The following UBE2T variants were observed in gnomAD, a reference collection of about 807,000 sequenced individuals.
UBE2T encodes the protein ubiquitin-conjugating enzyme E2 T.
A neutral mutation model predicts 23.3 loss-of-function variants in UBE2T; 15 were observed. The ratio of observed to expected loss-of-function variants is 0.64; its 90% CI spans 0.43 to 0.99. The LOEUF (loss-of-function observed/expected upper bound fraction) is 0.99, where lower values mean the gene tolerates loss of function less well. Ranked by LOEUF, UBE2T falls within the 50% of genes least tolerant of loss-of-function variation. The pLI, the probability that UBE2T is intolerant of heterozygous loss-of-function variation, is 0.00. For missense variants in UBE2T, 197 were observed against 234.9 expected (o/e 0.84, Z 1.05); for synonymous variants, 67 against 78.4 (o/e 0.85, Z 0.77).
rs1036473179 is a variant in UBE2T at position 202,335,832 on chromosome 1, G to C, written c.-64-14C>G. ...GCCTGGGATGCACTGGAGGAGAAAA[G>C]AGGTGACCATAAAATCATCAGCAAT... On this transcript the variant is annotated splice_polypyrimidine_tract_variant and intron_variant, in intron 1 of 6. Coordinates refer to ENST00000646651, the MANE Select transcript of UBE2T (RefSeq NM_014176.4). This position sits in a 1 kb window ranked among gnomAD's most constrained non-coding sequence, Gnocchi z 4.0. 2.7e-5 allele frequency: 35 copies of C among 1,304,002 alleles called. No homozygotes were observed. In the East Asian group the frequency reaches 7.9e-4, roughly 29 times the overall value. 80.8% of individuals were successfully genotyped at this position (1,304,002 alleles called of 1,614,324 possible).
chr1:202,339,782 G>A (rs1178846318), intron 1 of UBE2T, among the ~76,000 whole-genome samples: 1 of 152,144 alleles, frequency 6.6e-6, no homozygotes, highest in African/African-American at 2.4e-5. Context: ...GCTCACACCT[G>A]TAATTGCAGC....
chr1:202,333,519 A>G lies in UBE2T; in HGVS notation c.216T>C (p.Thr72=), dbSNP rs775015420. Residue 72 remains threonine, a synonymous_variant, in exon 4 of 7, where the codon ACT becomes ACC. Transcript: ENST00000646651. ...PFEPPQIRFL[T]PIYHPNIDSA... is the part of the protein sequence containing the mutation. ...AATCAATGTTTGGATGATAAATTGG[A>G]GTGAGAAATCGGATCTGAGGAGGTT... is the stretch of plus-strand genomic sequence containing the variant. 13 of 1,614,064 alleles carry G rather than the reference A, an allele frequency of 8.1e-6. No individual in the cohort carries two copies. In the African/African-American group the frequency reaches 9.3e-5, roughly 12 times the overall value.
In UBE2T at chr1:202,335,740, T is replaced by C. The variant is rs14451; in HGVS notation, c.15A>G (p.Ser5=). ...ACATGTGCAGCTCTCTCTTCAGACGTGAAGCTCTCTGCATGATCCCCAAGT... is the reference window on the plus strand; with the variant it reads ...ACATGTGCAGCTCTCTCTTCAGACGCGAAGCTCTCTGCATGATCCCCAAGT... MQRA[S]RLKRELHMLA... is the part of the protein sequence containing the mutation. Residue 5 remains serine (S), a synonymous_variant, in exon 2 of 7, where the codon TCA becomes TCG. Transcript: ENST00000646651. The surrounding 1 kb of genome is among the most constrained non-coding windows in gnomAD (Gnocchi z 4.0). 781,587 of 1,612,872 alleles carry C rather than the reference T, an allele frequency of 0.48. 193,404 individuals carry two copies. The highest frequency in any genetic ancestry group is 0.6 in the Middle Eastern group (3,617 of 6,054).
rs539154892 is a variant in UBE2T, at chr1:202,332,269, G to C, written c.469-309C>G. Among the ~76,000 whole-genome samples the C allele has an allele frequency of 9.2e-5, 14 of 152,274 alleles. No individual in the cohort carries two copies. In the East Asian group the frequency reaches 2.7e-3, roughly 29 times the overall value. On this transcript the variant is annotated intron_variant, in intron 6 of 6. Coordinates refer to ENST00000646651, the MANE Select transcript of UBE2T (RefSeq NM_014176.4). ...CTAAATGAGGAAATTCTATCAACCT[G>C]AAGTTTTTCCTTTAACTTTCTTCCA...
chr1:202,333,124 GAGAAAAA>G lies in UBE2T; in HGVS notation c.385-38_385-32del, dbSNP rs772339848. On this transcript the variant is annotated intron_variant, in intron 5 of 6. Transcript: ENST00000646651. ...ATGAAATCAAAGAAAAGAGTTAATG[GAGAAAAA>G]CATGATTTGCAGTGGTTAGAGCTGC... is the stretch of plus-strand genomic sequence containing the variant. 2.0e-5 allele frequency: 32 copies of G among 1,607,570 alleles called. No homozygotes were observed. The Middle Eastern group carries it at 2.6e-3, about 133-fold the overall frequency.
chr1:202,331,862 T>A lies in UBE2T; in HGVS notation c.567A>T (p.Ile189=). 1 of 1,614,184 alleles carries A rather than the reference T, an allele frequency of 6.2e-7. No homozygotes were observed. Among genetic ancestry groups the A allele is most frequent in the Non-Finnish European group, 8.5e-7 (1 of 1,180,020 alleles). The part of the protein sequence containing the change: ...QKRKASQLVG[I]EKKFHPDV Reference sequence around the variant, plus strand: ...AAACATCAGGATGAAATTTCTTTTCTATGCCTACTAGCTGACTGGCCTTCC... The same window carrying A: ...AAACATCAGGATGAAATTTCTTTTCAATGCCTACTAGCTGACTGGCCTTCC... Residue 189 remains isoleucine (I), a synonymous_variant, in exon 7 of 7, where the codon ATA becomes ATT. Transcript: ENST00000646651.
At chr1:202,333,142 A>T (rs535109545) in intron 5 of UBE2T, 49 bp from the exon 6 acceptor site, 2 of 1,604,000 alleles carry the variant, frequency 1.2e-6, no homozygotes, top group African/African-American at 2.7e-5. Context: ...CATGATTTGC[A>T]GTGGTTAGAG....
intron 1 of UBE2T, among the ~76,000 whole-genome samples, chr1:202,336,528 A>C (rs1654888734): frequency 6.6e-6 from 1 of 152,244 alleles, no homozygotes; most frequent in Non-Finnish European, 1.5e-5. Flanking sequence ...AAATAAAAAC[A>C]CTAAAGGTTT....
At position 202,335,774 on chromosome 1, in the gene UBE2T, C is replaced by CACA; in HGVS notation, c.-21_-20insTGT. 6.2e-7 allele frequency: 1 copy of CACA among 1,609,930 alleles called. No homozygotes were observed. The highest frequency in any genetic ancestry group is 1.7e-5 in the Admixed American group (1 of 60,008). On this transcript the variant is annotated 5_prime_UTR_variant, in exon 2 of 7. Coordinates refer to ENST00000646651, the MANE Select transcript of UBE2T (RefSeq NM_014176.4). This position sits in a 1 kb window ranked among gnomAD's most constrained non-coding sequence, Gnocchi z 4.0. The stretch of plus-strand genomic sequence containing the variant: ...CTGCATGATCCCCAAGTAGAAGGAA[C>CACA]CACACACAGTTCACTGCTCCACACT...
At position 202,332,420 on chromosome 1, in the gene UBE2T, T is replaced by C. The variant is rs1181010235; in HGVS notation, c.469-460A>G. 2.0e-5 allele frequency among the ~76,000 whole-genome samples: 3 copies of C among 152,206 alleles called. 1 individual carries two copies. The highest frequency in any genetic ancestry group is 4.4e-5 in the Non-Finnish European group (3 of 68,040). ...TGAGACACCACTCCACTATCCCTGCTACCTGCAATATAAAAAAAATTAACC... is the reference window on the plus strand; with the variant it reads ...TGAGACACCACTCCACTATCCCTGCCACCTGCAATATAAAAAAAATTAACC... On this transcript the variant is annotated intron_variant, in intron 6 of 6. Transcript: ENST00000646651.
chr1:202,331,837 A>G lies in UBE2T; in HGVS notation c.592T>C (p.Ter198GlnextTer8). The G allele has an allele frequency of 6.2e-7, 1 of 1,614,110 alleles. No individual in the cohort carries two copies. Among genetic ancestry groups the G allele is most frequent in the Non-Finnish European group, 8.5e-7 (1 of 1,179,998 alleles). ...TAAGATGAACCAGGACAAGTCCCCT[A>G]AACATCAGGATGAAATTTCTTTTCT... The part of the protein sequence containing the change: ...GIEKKFHPDV[*>Q] The change falls in exon 7 of 7, where the codon TAG (stop) becomes CAG (glutamine). Residue 198 changes from the stop codon to glutamine, a stop_lost. Coordinates refer to ENST00000646651, the MANE Select transcript of UBE2T (RefSeq NM_014176.4).
At chr1:202,332,077 ATTAT>A in intron 6 of UBE2T, 117 bp from the exon 7 acceptor site, 1 of 1,282,040 alleles carries the variant, frequency 7.8e-7, no homozygotes. Context: ...TAAATACAGT[ATTAT>A]GCATACGATA....
intron 1 of UBE2T, among the ~76,000 whole-genome samples, chr1:202,341,514 C>G (rs1655004582): frequency 7.9e-6 from 1 of 126,224 alleles, no homozygotes; most frequent in Non-Finnish European, 1.6e-5. Flanking sequence ...GGAGGCGGAG[C>G]TTGCAGTGAG....
At chr1:202,338,447 C>T (rs1333971255) in intron 1 of UBE2T, among the ~76,000 whole-genome samples, 4 of 152,062 alleles carry the variant, frequency 2.6e-5, no homozygotes, top group African/African-American at 4.8e-5. Context: ...TCTCGAACCA[C>T]GGACCTCAGG....
chr1:202,335,961 G>A lies in UBE2T; in HGVS notation c.-64-143C>T. The A allele has an allele frequency of 3.7e-6, 2 of 541,292 alleles. No homozygotes were observed. The highest frequency in any genetic ancestry group is 2.4e-5 in the South Asian group (1 of 41,544). 33.5% of individuals were successfully genotyped at this position (541,292 alleles called of 1,614,324 possible). ...CAGTTTCACTCTGTCACCCAGACTG[G>A]AGGGCAGTGACACCATCTCAGCTCA... On this transcript the variant is annotated intron_variant, in intron 1 of 6. Transcript: ENST00000646651. This position sits in a 1 kb window ranked among gnomAD's most constrained non-coding sequence, Gnocchi z 4.0.
Position 202,333,540 on chromosome 1 carries a change from A to G in UBE2T, c.195T>C (p.Pro65=), listed in dbSNP as rs1169620106. The change falls in exon 4 of 7, where the codon CCT becomes CCC. Residue 65 remains proline, a synonymous_variant. Transcript: ENST00000646651. The part of the protein sequence containing the change: ...VIIPERYPFE[P]PQIRFLTPIY... Reference sequence around the variant, plus strand: ...TTGGAGTGAGAAATCGGATCTGAGGAGGTTCAAATGGGTACCTATGAAAGA... The same window carrying G: ...TTGGAGTGAGAAATCGGATCTGAGGGGGTTCAAATGGGTACCTATGAAAGA... The G allele has an allele frequency of 6.2e-7, 1 of 1,613,762 alleles. No homozygotes were observed. Among genetic ancestry groups the G allele is most frequent in the East Asian group, 2.2e-5 (1 of 44,882 alleles).
At chr1:202,337,568 G>C (rs1654915786) in intron 1 of UBE2T, among the ~76,000 whole-genome samples, 1 of 152,110 alleles carries the variant, frequency 6.6e-6, no homozygotes, top group Admixed American at 6.6e-5. Context: ...ATCATTTACT[G>C]AATCAGTCCA....
chr1:202,333,150 G>A (rs1324443123), intron 5 of UBE2T, 57 bp from the exon 6 acceptor site: 1 of 1,599,898 alleles, frequency 6.3e-7, no homozygotes, highest in Non-Finnish European at 8.6e-7. Context: ...GCAGTGGTTA[G>A]AGCTGCTGCA....
chr1:202,332,735 C>T (rs1009776606), intron 6 of UBE2T, among the ~76,000 whole-genome samples: 12 of 149,796 alleles, frequency 8.0e-5, no homozygotes, highest in East Asian at 5.9e-4. Flanking sequence ...GGTGAAACCC[C>T]GTCTCTACTA....
Sources: allele counts gnomAD v4.1 joint callset (sites outside exome capture counted in the v4.1 genomes callset), GRCh38; gene constraint gnomAD v4.1.1; non-coding constraint Gnocchi (gnomAD v3.1); transcripts MANE v1.5; gene names NCBI Gene and HGNC (gene_info 2026-07-23, HGNC 2026-07-21).